Variants in NEO1 observed in about 807,000 individuals in gnomAD.
NEO1 encodes the protein neogenin.
Under a neutral mutation model 159.7 loss-of-function variants are expected in NEO1, and 63 were observed. The ratio of observed to expected loss-of-function variants is 0.39; its 90% confidence interval spans 0.32 to 0.49. NEO1 has a LOEUF of 0.49. Ranked by LOEUF, NEO1 falls within the 20% of genes least tolerant of loss-of-function variation. The pLI is 0.85. For synonymous variants in NEO1, 633 were observed against 662.0 expected, an observed-to-expected ratio of 0.96 and a Z score of 0.67; for missense variants, 1,615 against 1,831.0, an observed-to-expected ratio of 0.88 and a Z score of 2.15.
intron 1 of NEO1, among the ~76,000 whole-genome samples, chr15:73,105,288 A>T (rs2070628429): frequency 6.6e-6 from 1 of 152,156 alleles, no homozygotes; most frequent in African/African-American, 2.4e-5. Context: ...TCTGCGAATG[A>T]TTACTTTTCT....
chr15:73,176,629 T>A (rs2035293048), intron 6 of NEO1, 72 bp downstream of exon 6: 2 of 1,198,178 alleles, frequency 1.7e-6, no homozygotes, highest in Non-Finnish European at 2.3e-6. Flanking sequence ...CACCGAGAGA[T>A]CAGTTATCTT....
intron 3 of NEO1, among the ~76,000 whole-genome samples, chr15:73,125,118 A>G (rs1192485669): frequency 6.6e-6 from 1 of 152,206 alleles, no homozygotes; most frequent in Non-Finnish European, 1.5e-5. Flanking sequence ...TCACTACTCA[A>G]CATCTGAAAC....
At chr15:73,111,738 A>G (rs2071002667) in intron 1 of NEO1, among the ~76,000 whole-genome samples, 1 of 152,160 alleles carries the variant, frequency 6.6e-6, no homozygotes, top group African/African-American at 2.4e-5. Flanking sequence ...CTCCCACCTC[A>G]GCCTCCCAAG....
intron 5 of NEO1, among the ~76,000 whole-genome samples, chr15:73,167,326 C>T (rs1285422660): frequency 6.6e-6 from 1 of 151,860 alleles, no homozygotes; most frequent in Non-Finnish European, 1.5e-5. Flanking sequence ...ACCAAACATC[C>T]CACGACTCTA....
At chr15:73,217,011 G>A (rs1330650470) in intron 7 of NEO1, among the ~76,000 whole-genome samples, 40 of 152,092 alleles carry the variant, frequency 2.6e-4, no homozygotes, top group East Asian at 7.7e-4. Context: ...GCCCATGCCT[G>A]TGTCCTGAAT....
chr15:73,072,502 A>C (rs761256500), intron 1 of NEO1, among the ~76,000 whole-genome samples: 1 of 152,190 alleles, frequency 6.6e-6, no homozygotes, highest in Non-Finnish European at 1.5e-5. Flanking sequence ...TTTATTGAGT[A>C]CATGTTGCAT....
At chr15:73,299,436 A>G (rs1157995708) in intron 27 of NEO1, among the ~76,000 whole-genome samples, 1 of 150,558 alleles carries the variant, frequency 6.6e-6, no homozygotes, top group Non-Finnish European at 1.5e-5. Context: ...CCCAGGCTGG[A>G]GTACAGTGGG....
At chr15:73,163,601 C>T (rs1365575398) in intron 5 of NEO1, among the ~76,000 whole-genome samples, 1 of 152,024 alleles carries the variant, frequency 6.6e-6, no homozygotes, top group East Asian at 1.9e-4. Flanking sequence ...TTTAAATGCC[C>T]CAAAGCGATG....
chr15:73,082,995 T>A lies in NEO1; in HGVS notation c.130+30190T>A, dbSNP rs543707298. Among the ~76,000 whole-genome samples the A allele has an allele frequency of 2.0e-5, 3 of 152,182 alleles. No individual in the cohort carries two copies. In the South Asian group the frequency reaches 6.2e-4, roughly 32 times the overall value. ...GAAGGAGAGTGGCAAGTATGAGGAA[T>A]TGAAAATAACAGAGTGCCTGGAATG... On this transcript the variant is annotated intron_variant, in intron 1 of 28. Coordinates refer to ENST00000261908, the MANE Select transcript of NEO1 (RefSeq NM_002499.4).
intron 1 of NEO1, among the ~76,000 whole-genome samples, chr15:73,114,091 A>T (rs1412637870): frequency 6.6e-6 from 1 of 152,224 alleles, no homozygotes; most frequent in Non-Finnish European, 1.5e-5. Flanking sequence ...ATGCTTGCTT[A>T]GAACAGGCAA....
intron 15 of NEO1, among the ~76,000 whole-genome samples, chr15:73,262,770 G>C (rs1034443711): frequency 1.8e-4 from 27 of 152,164 alleles, no homozygotes; most frequent in African/African-American, 5.8e-4. Context: ...CTGTGTAAAA[G>C]CTTATATACA....
chr15:73,211,987 T>C (rs184435606), intron 7 of NEO1, among the ~76,000 whole-genome samples: 1 of 152,326 alleles, frequency 6.6e-6, no homozygotes, highest in Admixed American at 6.5e-5. Context: ...ACATTGAGGT[T>C]ATGGATTTTT....
At chr15:73,275,582 G>A (rs2041376086) in intron 21 of NEO1, among the ~76,000 whole-genome samples, 1 of 152,098 alleles carries the variant, frequency 6.6e-6, no homozygotes, top group African/African-American at 2.4e-5. Context: ...TTGAGCCTGG[G>A]AGGTGGAGGC....
chr15:73,068,178 G>A (rs2068319811), intron 1 of NEO1, among the ~76,000 whole-genome samples: 1 of 151,540 alleles, frequency 6.6e-6, no homozygotes, highest in Non-Finnish European at 1.5e-5. Context: ...CATCAGTTGT[G>A]GAGCTAGCTG....
chr15:73,175,967 A>G (rs1212457412), intron 5 of NEO1, among the ~76,000 whole-genome samples: 2 of 152,104 alleles, frequency 1.3e-5, no homozygotes, highest in Non-Finnish European at 2.9e-5. Flanking sequence ...TGTGACGTTT[A>G]TTTTACTTTG....
intron 9 of NEO1, 30 bp downstream of exon 9, chr15:73,244,528 C>A (rs375151438): frequency 1.2e-6 from 2 of 1,608,080 alleles, no homozygotes; most frequent in Admixed American, 3.3e-5. Flanking sequence ...GTCAGCACCC[C>A]CTAGAGGTAG....
Position 73,289,216 on chromosome 15 carries a change from C to T in NEO1, c.3720C>T (p.Pro1240=), listed in dbSNP as rs1596613755. Residue 1240 remains proline (P), a synonymous_variant, in exon 25 of 29, where the codon CCC becomes CCT. Coordinates refer to ENST00000261908, the MANE Select transcript of NEO1 (RefSeq NM_002499.4). ...RRGMRPKMMM[P]FDSQPPQPVI... ...GAATGAGACCAAAAATGATGATGCC[C>T]TTTGACTCCCAGCCACCCCAGCGTA... 6.2e-7 allele frequency: 1 copy of T among 1,614,080 alleles called. No homozygotes were observed. The highest frequency in any genetic ancestry group is 2.2e-5 in the East Asian group (1 of 44,870).
intron 26 of NEO1, among the ~76,000 whole-genome samples, chr15:73,297,843 G>C (rs2042438206): frequency 6.6e-6 from 1 of 152,140 alleles, no homozygotes; most frequent in Non-Finnish European, 1.5e-5. Context: ...GCTGTGATGA[G>C]GCCATGCACA....
Position 73,278,128 on chromosome 15 carries a change from T to C in NEO1, c.3194-3T>C, listed in dbSNP as rs1175815194. ...ATTATTGACATGATTTCTTCTCCTT[T>C]AGCCTCAGGGTCTGGAGGGAAAGGA... On this transcript the variant is annotated splice_region_variant and splice_polypyrimidine_tract_variant and intron_variant, in intron 21 of 28. Coordinates refer to ENST00000261908, the MANE Select transcript of NEO1 (RefSeq NM_002499.4). 17 of 1,610,652 alleles carry C rather than the reference T, an allele frequency of 1.1e-5. No individual in the cohort carries two copies. Among genetic ancestry groups the C allele is most frequent in the East Asian group, 2.2e-5 (1 of 44,856 alleles).
Sources: gnomAD v4.1 joint callset for allele counts (sites outside exome capture counted in the v4.1 genomes callset) on GRCh38, gnomAD v4.1.1 for gene constraint, MANE v1.5 for transcripts, NCBI Gene and HGNC (gene_info 2026-07-23, HGNC 2026-07-21) for gene names.